Variants in XPNPEP3 observed in about 807,000 individuals in gnomAD.
XPNPEP3 encodes the protein X-prolyl aminopeptidase 3.
Under a neutral mutation model 60.0 loss-of-function variants are expected in XPNPEP3, and 41 were observed. That is an observed-to-expected ratio of 0.68 (90% CI 0.53 to 0.89). The LOEUF (loss-of-function observed/expected upper bound fraction) is 0.89. XPNPEP3 is among the 40% of genes least tolerant of loss of function. The pLI, the probability that XPNPEP3 is intolerant of heterozygous loss-of-function variation, is 0.00. For synonymous variants in XPNPEP3, 212 were observed against 223.2 expected (o/e 0.95, Z 0.45); for missense variants, 598 against 638.9 (o/e 0.94, Z 0.69).
intron 1 of XPNPEP3, chr22:40,862,640 G>A: frequency 1.0e-6 from 1 of 985,472 alleles, no homozygotes; most frequent in Non-Finnish European, 1.2e-6. Context: ...AAGCCTCTTG[G>A]AGGAAGTAGC....
chr22:40,881,824 T>TA lies in XPNPEP3; in HGVS notation c.238dup (p.Met80AsnfsTer52). On this transcript the variant is annotated frameshift_variant, in exon 3 of 10. Coordinates refer to ENST00000357137, the MANE Select transcript of XPNPEP3 (RefSeq NM_022098.4). LOFTEE classifies it high-confidence loss of function. ...GAATATGCACTTCGCAGACACAAAC[T>TA]AATGTCTCTGATCCAGAAGGAAGCT... is the stretch of plus-strand genomic sequence containing the variant. The TA allele has an allele frequency of 6.2e-7, 1 of 1,614,172 alleles. No individual in the cohort carries two copies. The highest frequency in any genetic ancestry group is 8.5e-7 in the Non-Finnish European group (1 of 1,180,028).
intron 9 of XPNPEP3, among the ~76,000 whole-genome samples, chr22:40,925,598 T>C (rs151081185): frequency 0.011 from 1,657 of 152,296 alleles, 16 homozygotes; most frequent in South Asian, 0.025. Flanking sequence ...GTGAGGATAG[T>C]GGAGGAAGTT....
In XPNPEP3 at chr22:40,926,524, G is replaced by C; in HGVS notation, c.*89G>C. 3.4e-6 allele frequency: 5 copies of C among 1,451,032 alleles called. No individual in the cohort carries two copies. The highest frequency in any genetic ancestry group is 4.8e-6 in the Non-Finnish European group (5 of 1,034,808). 89.9% of individuals were successfully genotyped at this position (1,451,032 alleles called of 1,614,324 possible). On this transcript the variant is annotated 3_prime_UTR_variant, in exon 10 of 10. Coordinates refer to ENST00000357137, the MANE Select transcript of XPNPEP3 (RefSeq NM_022098.4). ...GTGCTTTCTGAGTGTCTCTGTGTGT[G>C]CATTAATATATGCATTCCATTTGGG...
In XPNPEP3 at chr22:40,931,527, AAC is replaced by A; in HGVS notation, c.*5094_*5095del. The A allele has an allele frequency of 6.6e-6, 1 of 152,314 alleles. No individual in the cohort carries two copies. The highest frequency in any genetic ancestry group is 1.9e-4 in the East Asian group (1 of 5,178). The allele number at this position is 152,314 out of a possible 1,614,324, so 9.4% of individuals were successfully genotyped here. On this transcript the variant is annotated 3_prime_UTR_variant, in exon 10 of 10. Transcript: ENST00000357137. ...CCAGGAGTTTGAGACCAGCCTAGGCAACATAGAGAGACCTTGTCTCAACAAAA... is the reference window on the plus strand; with the variant it reads ...CCAGGAGTTTGAGACCAGCCTAGGCAATAGAGAGACCTTGTCTCAACAAAA...
At chr22:40,884,746 C>T (rs2058061795) in intron 3 of XPNPEP3, among the ~76,000 whole-genome samples, 1 of 151,754 alleles carries the variant, frequency 6.6e-6, no homozygotes, top group Non-Finnish European at 1.5e-5. Context: ...CAACAATTGG[C>T]CGGGTGCAGT....
At chr22:40,871,906 G>T (rs1284066985) in intron 2 of XPNPEP3, among the ~76,000 whole-genome samples, 2 of 152,152 alleles carry the variant, frequency 1.3e-5, no homozygotes, top group Non-Finnish European at 2.9e-5. Flanking sequence ...GGTGGCGCAT[G>T]CCTGTAGTCC....
At chr22:40,904,468 T>C (rs2058146870) in intron 4 of XPNPEP3, among the ~76,000 whole-genome samples, 1 of 151,136 alleles carries the variant, frequency 6.6e-6, no homozygotes, top group African/African-American at 2.4e-5. Flanking sequence ...AGCCCAGGAG[T>C]TCAAGACAGT....
At chr22:40,882,690 G>A (rs1275298420) in intron 3 of XPNPEP3, among the ~76,000 whole-genome samples, 2 of 151,636 alleles carry the variant, frequency 1.3e-5, no homozygotes, top group Non-Finnish European at 2.9e-5. Flanking sequence ...GAGCCAGTGA[G>A]CTAAGATCCC....
rs1475696444 is a variant in XPNPEP3 at position 40,881,916 on chromosome 22, G to A, written c.328G>A (p.Asp110Asn). Residue 110 changes from aspartate to asparagine, a missense_variant, in exon 3 of 10, where the codon GAT becomes AAT. Physicochemically the swap from Asp to Asn is conservative, Grantham distance 23. Transcript: ENST00000357137. ...CAACCCTACATACTACATGAGCAAC[G>A]ATATTCCCTATACTTTCCACCAAGA... ...LSNPTYYMSN[D>N]IPYTFHQDNN... is the part of the protein sequence containing the mutation. The A allele has an allele frequency of 4.3e-6, 7 of 1,613,942 alleles. No individual in the cohort carries two copies. The highest frequency in any genetic ancestry group is 4.5e-5 in the East Asian group (2 of 44,876).
chr22:40,921,712 T>G (rs1319750601), intron 7 of XPNPEP3, among the ~76,000 whole-genome samples: 1 of 152,176 alleles, frequency 6.6e-6, no homozygotes, highest in Non-Finnish European at 1.5e-5. Flanking sequence ...TTGGATATAT[T>G]AGAGTAGAAT....
chr22:40,863,064 A>G (rs1345078149), intron 1 of XPNPEP3, among the ~76,000 whole-genome samples: 1 of 152,236 alleles, frequency 6.6e-6, no homozygotes, highest in Non-Finnish European at 1.5e-5. Flanking sequence ...TATGGTAGCC[A>G]CTGGCCATGT....
chr22:40,883,955 A>G (rs1317821189), intron 3 of XPNPEP3, among the ~76,000 whole-genome samples: 1 of 152,184 alleles, frequency 6.6e-6, no homozygotes, highest in African/African-American at 2.4e-5. Flanking sequence ...ATGGGTTACA[A>G]ATCATATCTG....
chr22:40,887,502 G>A (rs1214141771), intron 4 of XPNPEP3, among the ~76,000 whole-genome samples: 2 of 152,120 alleles, frequency 1.3e-5, no homozygotes, highest in East Asian at 1.9e-4. Flanking sequence ...GGGCTCTCCC[G>A]GCTTACAGAA....
chr22:40,907,487 T>G (rs2146269728), intron 4 of XPNPEP3, 100 bp from the exon 5 acceptor site: 2 of 1,244,262 alleles, frequency 1.6e-6, no homozygotes, highest in East Asian at 2.3e-5. Flanking sequence ...GACGAAATTG[T>G]GGGAAAAGGT....
chr22:40,860,980 A>G (rs781729773), intron 1 of XPNPEP3: 197 of 1,280,712 alleles, frequency 1.5e-4, no homozygotes, highest in Non-Finnish European at 2.0e-4. Flanking sequence ...AGCTCTTAGT[A>G]TAGTATTAAG....
chr22:40,865,445 C>T (rs2057973738), intron 1 of XPNPEP3, among the ~76,000 whole-genome samples: 1 of 151,306 alleles, frequency 6.6e-6, no homozygotes, highest in South Asian at 2.1e-4. Context: ...TCTCCTGCTT[C>T]AGCCTCCCGA....
chr22:40,889,182 CA>C (rs1411107990), intron 4 of XPNPEP3, among the ~76,000 whole-genome samples: 9 of 149,458 alleles, frequency 6.0e-5, no homozygotes, highest in Non-Finnish European at 1.0e-4. Context: ...AGGCACATAC[CA>C]CCATGGCTGT....
chr22:40,861,847 C>G, intron 1 of XPNPEP3: 1 of 1,613,900 alleles, frequency 6.2e-7, no homozygotes, highest in Non-Finnish European at 8.5e-7. Context: ...TATGCCTCAG[C>G]TACTTCTTTG....
chr22:40,917,407 A>G (rs775321953), intron 7 of XPNPEP3: 8 of 151,656 alleles, frequency 5.3e-5, no homozygotes, highest in Non-Finnish European at 1.0e-4. Context: ...TTTAATTAAA[A>G]TTTTTAAAAA....
Sources: gnomAD v4.1 joint callset for allele counts (sites outside exome capture counted in the v4.1 genomes callset) on GRCh38, gnomAD v4.1.1 for gene constraint, MANE v1.5 for transcripts, NCBI Gene and HGNC (gene_info 2026-07-23, HGNC 2026-07-21) for gene names.